RGS12: variants seen among roughly 807,000 people sequenced by gnomAD.
RGS12 encodes regulator of G protein signaling 12.
In RGS12, 66 loss-of-function variants were observed where a neutral mutation model predicts 120.1. That is an observed-to-expected ratio of 0.55 (90% CI 0.45 to 0.67). RGS12 has a LOEUF of 0.67. RGS12 is among the 30% of genes least tolerant of loss of function. The probability of loss-of-function intolerance (pLI) is 0.00; values close to 1 mark genes in which losing one functional copy is unlikely to be tolerated. For synonymous variants in RGS12, 827 were observed against 804.7 expected (o/e 1.03, Z -0.47); for missense variants, 1,859 against 1,957.7 (o/e 0.95, Z 0.95).
chr4:3,423,795 A>G (rs1200269153), intron 13 of RGS12, 154 bp downstream of exon 13: 3 of 908,718 alleles, frequency 3.3e-6, no homozygotes, highest in East Asian at 5.4e-5. Flanking sequence ...AGCCTCTGCC[A>G]TCCCCAGTTC....
At chr4:3,332,498 T>C (rs1711972592) in intron 2 of RGS12, among the ~76,000 whole-genome samples, 1 of 152,266 alleles carries the variant, frequency 6.6e-6, no homozygotes, top group Non-Finnish European at 1.5e-5. Context: ...AGCATTCTTG[T>C]ACCTGTCTCC....
chr4:3,394,001 C>T (rs966157281), intron 4 of RGS12, among the ~76,000 whole-genome samples: 2 of 152,144 alleles, frequency 1.3e-5, no homozygotes, highest in African/African-American at 2.4e-5. Flanking sequence ...GGAAGCTGCC[C>T]AGCCCAGGTT....
In RGS12 at chr4:3,437,679, A is replaced by T. The variant is rs78037644; in HGVS notation, c.4115-1776A>T. On this transcript the variant is annotated intron_variant, in intron 17 of 17. Transcript: ENST00000336727. ...CTGACTGGGAGAAGTTTCTAGTCTC[A>T]GCTGCTCCACATGGACCCCTGGGCC... Among the ~76,000 whole-genome samples, 295 of 152,212 alleles carry T rather than the reference A, an allele frequency of 1.9e-3. 4 individuals are homozygous for T. The highest frequency in any genetic ancestry group is 1.9e-3 in the Non-Finnish European group (129 of 68,004).
At chr4:3,410,414 C>G (rs183420020) in intron 4 of RGS12, among the ~76,000 whole-genome samples, 11 of 152,314 alleles carry the variant, frequency 7.2e-5, no homozygotes, top group Admixed American at 5.2e-4. Flanking sequence ...CTGGAATGTA[C>G]ACAGAACAGG....
At chr4:3,340,915 T>G (rs1316459226) in intron 2 of RGS12, among the ~76,000 whole-genome samples, 2 of 152,114 alleles carry the variant, frequency 1.3e-5, no homozygotes, top group Non-Finnish European at 2.9e-5. Flanking sequence ...GGAGTGTGCT[T>G]GACACCTGTG....
At chr4:3,323,346 T>G (rs1305432495) in intron 2 of RGS12, among the ~76,000 whole-genome samples, 1 of 152,274 alleles carries the variant, frequency 6.6e-6, no homozygotes. Context: ...CGAACAGCAC[T>G]GTAAGAGTCA....
At chr4:3,294,502 AG>A (rs2110343261) in intron 1 of RGS12, among the ~76,000 whole-genome samples, 1 of 152,358 alleles carries the variant, frequency 6.6e-6, no homozygotes, top group East Asian at 1.9e-4. Context: ...CGATATAAAA[AG>A]GTCCATCGTG....
In RGS12 at chr4:3,428,082, A is replaced by T. The variant is rs972358198; in HGVS notation, c.3332-8A>T. On this transcript the variant is annotated splice_polypyrimidine_tract_variant and splice_region_variant and intron_variant, in intron 14 of 17. Transcript: ENST00000336727. ...GTCCCTGAAGTCATAAAGCTTTCTT[A>T]TGTTTAGCATCCGCAGATAAACAGA... 2 of 1,612,372 alleles carry T rather than the reference A, an allele frequency of 1.2e-6. No individual in the cohort carries two copies. The highest frequency in any genetic ancestry group is 1.7e-5 in the Admixed American group (1 of 60,020).
At position 3,316,929 on chromosome 4, in the gene RGS12, A is replaced by G. The variant is rs765478513; in HGVS notation, c.759A>G (p.Gln253=). The G allele has an allele frequency of 6.2e-7, 1 of 1,613,922 alleles. No individual in the cohort carries two copies. Among genetic ancestry groups the G allele is most frequent in the East Asian group, 2.2e-5 (1 of 44,876 alleles). ...CCAACCTGGAGTCCGACAGCTTGCAAGCCATCCGCGGCTGCATGCGGCGCC... is the reference window on the plus strand; with the variant it reads ...CCAACCTGGAGTCCGACAGCTTGCAGGCCATCCGCGGCTGCATGCGGCGCC... ...TSSNLESDSL[Q]AIRGCMRRLR... Residue 253 remains glutamine (Q), a synonymous_variant, in exon 2 of 18, where the codon CAA becomes CAG. Coordinates refer to ENST00000336727, the MANE Select transcript of RGS12 (RefSeq NM_001394154.1).
At chr4:3,343,540 C>G (rs956908922) in intron 3 of RGS12, among the ~76,000 whole-genome samples, 1 of 152,080 alleles carries the variant, frequency 6.6e-6, no homozygotes, top group African/African-American at 2.4e-5. Flanking sequence ...AATGCGCCGT[C>G]GGGATCATTA....
In RGS12 at chr4:3,430,961, T is replaced by A. The variant is rs115503535; in HGVS notation, c.4114+6T>A. 6.2e-7 allele frequency: 1 copy of A among 1,611,890 alleles called. No individual in the cohort carries two copies. Among genetic ancestry groups the A allele is most frequent in the African/African-American group, 1.3e-5 (1 of 75,034 alleles). ...GCCAGGACCTTCCAGACCAGGTACC[T>A]CCAGGTTCTGATCCCTCCACCTTGG... On this transcript the variant is annotated splice_donor_region_variant and intron_variant, in intron 17 of 17. Transcript: ENST00000336727.
intron 1 of RGS12, among the ~76,000 whole-genome samples, chr4:3,305,853 A>G (rs1202332994): frequency 6.6e-6 from 1 of 152,344 alleles, no homozygotes; most frequent in East Asian, 1.9e-4. Flanking sequence ...TGTTTGAAAC[A>G]CAGCAGCTGC....
At chr4:3,378,689 G>A (rs1717942676) in intron 3 of RGS12, 1 of 152,222 alleles carries the variant, frequency 6.6e-6, no homozygotes, top group Admixed American at 6.5e-5. Flanking sequence ...CCAGAGAAAT[G>A]CAGTCACAAC....
intron 3 of RGS12, among the ~76,000 whole-genome samples, chr4:3,377,589 ATG>A (rs995083344): frequency 2.0e-5 from 3 of 152,256 alleles, no homozygotes; most frequent in Admixed American, 6.5e-5. Context: ...TTTGGAAATT[ATG>A]TGTTTTAATA....
At chr4:3,313,703 C>T (rs984146623) in intron 1 of RGS12, among the ~76,000 whole-genome samples, 2 of 152,162 alleles carry the variant, frequency 1.3e-5, no homozygotes, top group Admixed American at 6.5e-5. Flanking sequence ...ACCGCCTGCC[C>T]GTCTGCCTGG....
intron 2 of RGS12, among the ~76,000 whole-genome samples, chr4:3,319,600 A>G (rs1243230362): frequency 6.6e-6 from 1 of 152,122 alleles, no homozygotes; most frequent in Non-Finnish European, 1.5e-5. Flanking sequence ...ACTTGCTACC[A>G]TGCCTGGCTA....
rs545197696 is a variant in RGS12 at position 3,368,619 on chromosome 4, G to T, written c.1999-17797G>T. Among the ~76,000 whole-genome samples, 164 of 124,280 alleles carry T rather than the reference G, an allele frequency of 1.3e-3. 2 individuals carry two copies. Among genetic ancestry groups the T allele is most frequent in the African/African-American group, 3.7e-3 (119 of 32,438 alleles). 81.5% of individuals were successfully genotyped at this position (124,280 alleles called of 152,430 possible). ...GTGTGTGTGTGGGTACCTGTGTGTG[G>T]GGGGGTACATGTGTGTGTGTGGTAC... On this transcript the variant is annotated intron_variant, in intron 3 of 17. Coordinates refer to ENST00000336727, the MANE Select transcript of RGS12 (RefSeq NM_001394154.1).
chr4:3,296,064 G>C (rs1723363925), intron 1 of RGS12, among the ~76,000 whole-genome samples: 1 of 148,864 alleles, frequency 6.7e-6, no homozygotes, highest in Non-Finnish European at 1.5e-5. Flanking sequence ...CACCCCCCTG[G>C]TCAGCTTCTG....
At chr4:3,416,154 C>T in intron 7 of RGS12, 33 bp downstream of exon 7, 1 of 1,611,928 alleles carries the variant, frequency 6.2e-7, no homozygotes, top group Non-Finnish European at 8.5e-7. Flanking sequence ...TGTGGGGAGT[C>T]CAGGCTAGGG....
Sources: gnomAD v4.1 joint callset for allele counts (sites outside exome capture counted in the v4.1 genomes callset) on GRCh38, gnomAD v4.1.1 for gene constraint, MANE v1.5 for transcripts, NCBI Gene and HGNC (gene_info 2026-07-23, HGNC 2026-07-21) for gene names.